Variants in DEPDC5 observed in about 807,000 individuals in gnomAD.
DEPDC5 encodes the protein GATOR1 complex protein DEPDC5.
Under a neutral mutation model 217.3 loss-of-function variants are expected in DEPDC5, and 73 were observed. That is an observed-to-expected ratio of 0.34 (90% confidence interval 0.28 to 0.41). DEPDC5 has a LOEUF of 0.41. DEPDC5 is among the 10% of genes least tolerant of loss of function. The probability of loss-of-function intolerance (pLI) is 1.00; values close to 1 mark genes in which losing one functional copy is unlikely to be tolerated. For missense variants in DEPDC5, 1,675 were observed against 2,070.1 expected (o/e 0.81, Z 3.70); for synonymous variants, 733 against 756.7 (o/e 0.97, Z 0.51).
At position 31,760,659 on chromosome 22, in the gene DEPDC5, T is replaced by C. The variant is rs776930253; in HGVS notation, c.150T>C (p.Pro50=). The C allele has an allele frequency of 3.1e-6, 5 of 1,613,236 alleles. No homozygotes were observed. The Admixed American group carries it at 5.0e-5, about 16-fold the overall frequency. Residue 50 remains proline (P), a synonymous_variant, in exon 4 of 43, where the codon CCT becomes CCC. Transcript: ENST00000651528. ...EIAHPNDEYS[P]LLLQVKSLKE... ...CTCTTGTTGCTTTCTTTTTCAGCCC[T>C]CTGCTTTTGCAGGTCAAGTCTCTTA...
intron 24 of DEPDC5, among the ~76,000 whole-genome samples, chr22:31,828,660 A>G (rs918202244): frequency 1.3e-5 from 2 of 151,974 alleles, no homozygotes; most frequent in East Asian, 3.9e-4. Flanking sequence ...TTGGTTTTTA[A>G]GTGACTTTCC....
At chr22:31,873,040 C>G in intron 34 of DEPDC5, 5 of 878,814 alleles carry the variant, frequency 5.7e-6, no homozygotes, top group Middle Eastern at 2.5e-4. Context: ...CAGACGTAAG[C>G]CACCAAACCC....
At chr22:31,837,364 T>A (rs76205501) in intron 26 of DEPDC5, 3 of 602,002 alleles carry the variant, frequency 5.0e-6, no homozygotes, top group African/African-American at 1.9e-5. Context: ...TTTTTTTTTT[T>A]AACTGAGAGA....
intron 2 of DEPDC5, among the ~76,000 whole-genome samples, chr22:31,755,933 C>T (rs1405739316): frequency 6.6e-6 from 1 of 151,254 alleles, no homozygotes; most frequent in Non-Finnish European, 1.5e-5. Flanking sequence ...AGTGCAGTGG[C>T]GTGATCTCAG....
At chr22:31,773,499 G>A (rs1234751506) in intron 7 of DEPDC5, among the ~76,000 whole-genome samples, 1 of 152,102 alleles carries the variant, frequency 6.6e-6, no homozygotes, top group Non-Finnish European at 1.5e-5. Flanking sequence ...CACCGCAGCT[G>A]GCCTCTTTTA....
intron 24 of DEPDC5, among the ~76,000 whole-genome samples, chr22:31,832,984 T>C (rs553108934): frequency 2.0e-4 from 30 of 152,354 alleles, no homozygotes; most frequent in Non-Finnish European, 4.1e-4. Flanking sequence ...CTCCTATCCC[T>C]TCCTCCAGCT....
chr22:31,897,681 T>A lies in DEPDC5; in HGVS notation c.4375+28T>A, dbSNP rs749745541. ...AAGAAATATTCCCTTCTGGAGGTTG[T>A]CTCAACCAGTAAGACCCCGTCCCTA... On this transcript the variant is annotated intron_variant, in intron 40 of 42. Coordinates refer to ENST00000651528, the MANE Select transcript of DEPDC5 (RefSeq NM_001242896.3). 11 of 1,610,314 alleles carry A rather than the reference T, an allele frequency of 6.8e-6. No individual in the cohort carries two copies. The African/African-American group carries it at 9.4e-5, about 14-fold the overall frequency.
At chr22:31,795,179 C>T (rs2086105268) in intron 12 of DEPDC5, among the ~76,000 whole-genome samples, 2 of 150,762 alleles carry the variant, frequency 1.3e-5, no homozygotes, top group South Asian at 2.1e-4. Flanking sequence ...CAAGCAATTC[C>T]CTGCCTCAGC....
At chr22:31,772,853 C>T (rs1320624976) in intron 7 of DEPDC5, among the ~76,000 whole-genome samples, 1 of 151,854 alleles carries the variant, frequency 6.6e-6, no homozygotes, top group Non-Finnish European at 1.5e-5. Context: ...ATGATATCTC[C>T]CCACTGCAAC....
intron 17 of DEPDC5, 77 bp downstream of exon 17, chr22:31,804,992 A>G (rs2087341798): frequency 7.2e-7 from 1 of 1,382,064 alleles, no homozygotes; most frequent in African/African-American, 1.4e-5. Context: ...AAATCTGTTA[A>G]GTTCTTATTA....
At chr22:31,857,769 A>C in intron 32 of DEPDC5, 1 of 440,618 alleles carries the variant, frequency 2.3e-6, no homozygotes, top group Admixed American at 4.2e-5. Context: ...TTAAATCCGG[A>C]TATAAAACGG....
At chr22:31,895,576 C>T (rs2149388295) in intron 39 of DEPDC5, among the ~76,000 whole-genome samples, 1 of 152,282 alleles carries the variant, frequency 6.6e-6, no homozygotes, top group East Asian at 1.9e-4. Context: ...AATCTCGCTT[C>T]TCTCAACACC....
chr22:31,809,555 G>A lies in DEPDC5; in HGVS notation c.1288-56G>A, dbSNP rs113630481. 55,665 of 1,597,124 alleles carry A rather than the reference G, an allele frequency of 0.035. 1,146 individuals are homozygous for A. The highest frequency in any genetic ancestry group is 0.056 in the South Asian group (5,124 of 90,696). ...GCAGCACATATATACTGTGCCTTGT[G>A]ATAAGTTCTTTTCTAGCGAAGGAAG... On this transcript the variant is annotated intron_variant, in intron 18 of 42. Transcript: ENST00000651528.
At chr22:31,852,339 A>ATTT (rs71320909) in intron 31 of DEPDC5, among the ~76,000 whole-genome samples, 12 of 125,946 alleles carry the variant, frequency 9.5e-5, no homozygotes, top group African/African-American at 3.4e-4. Flanking sequence ...ATTTATTACT[A>ATTT]TTTTTTTTTT....
At chr22:31,790,586 G>A (rs2085498654) in intron 10 of DEPDC5, among the ~76,000 whole-genome samples, 2 of 152,084 alleles carry the variant, frequency 1.3e-5, no homozygotes, top group African/African-American at 4.8e-5. Context: ...CACCATGGGT[G>A]CTGTTCTTGT....
intron 38 of DEPDC5, among the ~76,000 whole-genome samples, chr22:31,881,709 G>T: frequency 6.6e-6 from 1 of 152,092 alleles, no homozygotes; most frequent in South Asian, 2.1e-4. Context: ...ACTTTGGGAG[G>T]CTGAGGCAGG....
chr22:31,770,232 CAA>C (rs548291549), intron 7 of DEPDC5, among the ~76,000 whole-genome samples: 4 of 126,376 alleles, frequency 3.2e-5, no homozygotes, highest in Admixed American at 8.2e-5. Context: ...GAGACTGTCT[CAA>C]AAAAAAAAAA....
At chr22:31,866,314 G>A (rs2092687692) in intron 33 of DEPDC5, among the ~76,000 whole-genome samples, 3 of 151,932 alleles carry the variant, frequency 2.0e-5, no homozygotes, top group Admixed American at 6.6e-5. Context: ...TCTATTCTAG[G>A]ATCCAATCTT....
At chr22:31,785,123 T>C (rs1195404236) in intron 10 of DEPDC5, 1 of 389,506 alleles carries the variant, frequency 2.6e-6, no homozygotes, top group African/African-American at 2.1e-5. Context: ...TATGCTTGCT[T>C]TTGCCACTGA....
Sources: gnomAD v4.1 joint callset for allele counts (sites outside exome capture counted in the v4.1 genomes callset) on GRCh38, gnomAD v4.1.1 for gene constraint, MANE v1.5 for transcripts, NCBI Gene and HGNC (gene_info 2026-07-23, HGNC 2026-07-21) for gene names.